Variants in GABRA2 observed in about 807,000 individuals in gnomAD.
GABRA2 encodes the protein gamma-aminobutyric acid type A receptor subunit alpha2.
A neutral mutation model predicts 48.7 loss-of-function variants in GABRA2; 16 were observed. The observed-to-expected ratio is 0.33, with a 90% CI of 0.22 to 0.50. The LOEUF is 0.50. Among genes scored for constraint, GABRA2 ranks in the 20% least tolerant of loss-of-function variants. The pLI, the probability that GABRA2 is intolerant of heterozygous loss-of-function variation, is 0.98. For synonymous variants in GABRA2, 185 were observed against 184.5 expected, an observed-to-expected ratio of 1.00 and a Z score of -0.02; for missense variants, 275 against 535.6, an observed-to-expected ratio of 0.51 and a Z score of 4.80.
chr4:46,314,888 T>C (rs1461546179), intron 4 of GABRA2, among the ~76,000 whole-genome samples: 1 of 152,144 alleles, frequency 6.6e-6, no homozygotes, highest in African/African-American at 2.4e-5. Flanking sequence ...CAATCTGTCA[T>C]TGATGGGCAT....
rs924442660 is a variant in GABRA2, at chr4:46,328,047, G to A, written c.255+4568C>T. 2.6e-5 allele frequency among the ~76,000 whole-genome samples: 4 copies of A among 151,896 alleles called. No homozygotes were observed. In the South Asian group the frequency reaches 6.2e-4, roughly 24 times the overall value. The stretch of plus-strand genomic sequence containing the variant: ...CCTATATAGAAACCAAGGAAAAAGG[G>A]AAAAAAACAGTAGAGCAAGTTAGAA... On this transcript the variant is annotated intron_variant, in intron 4 of 9. Coordinates refer to ENST00000381620, the MANE Select transcript of GABRA2 (RefSeq NM_000807.4).
At chr4:46,380,974 A>C (rs1716680775) in intron 3 of GABRA2, among the ~76,000 whole-genome samples, 1 of 152,240 alleles carries the variant, frequency 6.6e-6, no homozygotes, top group Admixed American at 6.5e-5. Flanking sequence ...ATGATTTTTA[A>C]GCATAAAGCA....
intron 8 of GABRA2, among the ~76,000 whole-genome samples, chr4:46,294,256 CA>C (rs1724220855): frequency 6.6e-6 from 1 of 152,186 alleles, no homozygotes; most frequent in Non-Finnish European, 1.5e-5. Flanking sequence ...GTAGCAAATA[CA>C]CTGAACTTGC....
At chr4:46,271,859 T>C (rs1560457824) in intron 8 of GABRA2, among the ~76,000 whole-genome samples, 2 of 151,888 alleles carry the variant, frequency 1.3e-5, no homozygotes. Flanking sequence ...CATTTTCATA[T>C]TGGCATCAAT....
chr4:46,354,447 C>G (rs993388530), intron 3 of GABRA2, among the ~76,000 whole-genome samples: 1 of 152,152 alleles, frequency 6.6e-6, no homozygotes, highest in East Asian at 1.9e-4. Flanking sequence ...CAAAACAAGA[C>G]ACTGGCTCAT....
intron 3 of GABRA2, among the ~76,000 whole-genome samples, chr4:46,334,742 G>A (rs1175992121): frequency 1.3e-5 from 2 of 152,122 alleles, no homozygotes; most frequent in Admixed American, 1.3e-4. Flanking sequence ...AAACACCTAA[G>A]ACTCAGAACA....
chr4:46,320,044 T>C (rs1729191158), intron 4 of GABRA2, among the ~76,000 whole-genome samples: 2 of 151,856 alleles, frequency 1.3e-5, no homozygotes, highest in Middle Eastern at 3.4e-3. Context: ...CATTATACCA[T>C]ACATAAAACA....
intron 4 of GABRA2, among the ~76,000 whole-genome samples, chr4:46,322,519 C>A (rs919501528): frequency 5.3e-5 from 8 of 151,932 alleles, no homozygotes; most frequent in Non-Finnish European, 1.2e-4. Context: ...ATGTGTCAGG[C>A]CTCTGATTTA....
At chr4:46,279,877 G>A (rs2109456022) in intron 8 of GABRA2, among the ~76,000 whole-genome samples, 1 of 151,978 alleles carries the variant, frequency 6.6e-6, no homozygotes, top group Admixed American at 6.6e-5. Flanking sequence ...GGATTATAGT[G>A]GAAACGGAAA....
At chr4:46,356,058 C>T (rs1444293707) in intron 3 of GABRA2, among the ~76,000 whole-genome samples, 2 of 152,164 alleles carry the variant, frequency 1.3e-5, no homozygotes, top group Non-Finnish European at 2.9e-5. Flanking sequence ...GGTGCCAACA[C>T]TATACCCCCT....
chr4:46,369,270 T>C (rs1578194297), intron 3 of GABRA2, among the ~76,000 whole-genome samples: 1 of 152,076 alleles, frequency 6.6e-6, no homozygotes, highest in East Asian at 1.9e-4. Flanking sequence ...GCTACTGTCA[T>C]TGGGAATTTC....
rs543233014 is a variant in GABRA2, at chr4:46,245,874, G to A, written c.*4434C>T. 6.6e-5 allele frequency among the ~76,000 whole-genome samples: 10 copies of A among 151,066 alleles called. No individual in the cohort carries two copies. The highest frequency in any genetic ancestry group is 5.9e-4 in the East Asian group (3 of 5,118). ...ATCATTGAGTAGTTTGAGGTGGGAC[G>A]TATAACCACCTTTATAAGTATTTCT... On this transcript the variant is annotated 3_prime_UTR_variant, in exon 10 of 10. Transcript: ENST00000381620.
intron 8 of GABRA2, among the ~76,000 whole-genome samples, chr4:46,296,056 C>T (rs755762901): frequency 2.6e-5 from 4 of 152,130 alleles, no homozygotes; most frequent in African/African-American, 4.8e-5. Context: ...GGTGGAATGA[C>T]CTTTTGAAGT....
At position 46,245,598 on chromosome 4, in the gene GABRA2, G is replaced by C. The variant is rs573047325; in HGVS notation, c.*4710C>G. 6.6e-6 allele frequency among the ~76,000 whole-genome samples: 1 copy of C among 151,212 alleles called. No homozygotes were observed. The highest frequency in any genetic ancestry group is 1.5e-5 in the Non-Finnish European group (1 of 67,442). On this transcript the variant is annotated 3_prime_UTR_variant, in exon 10 of 10. Transcript: ENST00000381620. ...GTTAATTGCTAGTTTAATAAGAGCT[G>C]AATTTGTGATAAGATCCATTAATAA...
In GABRA2 at chr4:46,245,159, G is replaced by A. The variant is rs1041816632; in HGVS notation, c.*5149C>T. ...CACACAGTGATGATGGCTGCTGTGA[G>A]GACTGAATGAACTAATATGCATAAA... On this transcript the variant is annotated 3_prime_UTR_variant, in exon 10 of 10. Transcript: ENST00000381620. Among the ~76,000 whole-genome samples the A allele has an allele frequency of 6.6e-6, 1 of 151,176 alleles. No homozygotes were observed. The highest frequency in any genetic ancestry group is 6.6e-5 in the Admixed American group (1 of 15,102).
intron 8 of GABRA2, among the ~76,000 whole-genome samples, chr4:46,267,770 T>C (rs1718539375): frequency 6.6e-6 from 1 of 152,068 alleles, no homozygotes; most frequent in South Asian, 2.1e-4. Context: ...TAGCTATTTT[T>C]ATTCTTCCTA....
chr4:46,332,645 G>A lies in GABRA2; in HGVS notation c.225C>T (p.Thr75=). Residue 75 remains threonine, a synonymous_variant, in exon 4 of 10, where the codon ACC becomes ACT. Coordinates refer to ENST00000381620, the MANE Select transcript of GABRA2 (RefSeq NM_000807.4). ...CTGTATCTGAGACAGGGCCAAAACT[G>A]GTCACGTAGATGTTAGTGAAGACTT... is the stretch of plus-strand genomic sequence containing the variant. ...ITEVFTNIYV[T]SFGPVSDTDM... is the part of the protein sequence containing the mutation. 1 of 1,597,620 alleles carries A rather than the reference G, an allele frequency of 6.3e-7. No homozygotes were observed. Among genetic ancestry groups the A allele is most frequent in the Non-Finnish European group, 8.6e-7 (1 of 1,165,372 alleles).
At chr4:46,348,553 A>C (rs1319500706) in intron 3 of GABRA2, among the ~76,000 whole-genome samples, 1 of 152,040 alleles carries the variant, frequency 6.6e-6, no homozygotes, top group African/African-American at 2.4e-5. Context: ...AGACTGGATT[A>C]AGAAAATGTG....
Position 46,291,776 on chromosome 4 carries a change from C to CATATATATATATATAT in GABRA2, c.856+11683_856+11684insATATATATATATATAT, listed in dbSNP as rs560142153. Among the ~76,000 whole-genome samples the CATATATATATATATAT allele has an allele frequency of 1.4e-3, 197 of 144,770 alleles. 1 individual carries two copies. Among genetic ancestry groups the CATATATATATATATAT allele is most frequent in the Non-Finnish European group, 2.4e-3 (160 of 66,450 alleles). 95.0% of individuals were successfully genotyped at this position (144,770 alleles called of 152,430 possible). ...AGTTAATACTATTAATAAACACACA[C>CATATATATATATATAT]ATATATATATATATACATATACATA... On this transcript the variant is annotated intron_variant, in intron 8 of 9. Transcript: ENST00000381620.
Sources: allele counts gnomAD v4.1 joint callset (sites outside exome capture counted in the v4.1 genomes callset), GRCh38; gene constraint gnomAD v4.1.1; transcripts MANE v1.5; gene names NCBI Gene and HGNC (gene_info 2026-07-23, HGNC 2026-07-21).